Variants in FLVCR1 observed in about 807,000 individuals in gnomAD.
FLVCR1 encodes FLVCR choline and heme transporter 1.
In FLVCR1, 34 loss-of-function variants were observed where a neutral mutation model predicts 53.6. The observed-to-expected ratio is 0.63, with a 90% confidence interval of 0.48 to 0.84. The LOEUF is 0.84. Ranked by LOEUF, FLVCR1 falls within the 40% of genes least tolerant of loss-of-function variation. The pLI is 0.00. For missense variants in FLVCR1, 677 were observed against 696.7 expected (o/e 0.97, Z 0.32); for synonymous variants, 300 against 286.3 (o/e 1.05, Z -0.48).
chr1:212,880,572 C>T (rs1304443290), intron 3 of FLVCR1, among the ~76,000 whole-genome samples: 2 of 151,978 alleles, frequency 1.3e-5, no homozygotes, highest in Non-Finnish European at 1.5e-5. Flanking sequence ...ACAAGGCAGG[C>T]AGATCACCTG....
chr1:212,866,414 C>T (rs996970838), intron 2 of FLVCR1, among the ~76,000 whole-genome samples: 13 of 152,090 alleles, frequency 8.5e-5, no homozygotes, highest in Non-Finnish European at 1.5e-4. Context: ...AGCCACTGCA[C>T]CCGGCCAAAA....
rs1183708850 is a variant in FLVCR1, at chr1:212,897,207, AAAT to A, written c.*1920_*1922del. Reference sequence around the variant, plus strand: ...TAAATAAATAAATAAATAAATAAATAAATAAAACCTGAGGTTGAGCACGATGGC... The same window carrying A: ...TAAATAAATAAATAAATAAATAAATAAAAACCTGAGGTTGAGCACGATGGC... On this transcript the variant is annotated 3_prime_UTR_variant, in exon 10 of 10. Coordinates refer to ENST00000366971, the MANE Select transcript of FLVCR1 (RefSeq NM_014053.4). The A allele has an allele frequency of 2.0e-4, 22 of 108,348 alleles. No homozygotes were observed. The highest frequency in any genetic ancestry group is 6.6e-4 in the African/African-American group (22 of 33,280). The allele number at this position is 108,348 out of a possible 1,614,324, so 6.7% of individuals were successfully genotyped here. A position where few individuals can be genotyped will look rare whatever the true frequency, so the allele number is the denominator to read the frequency against.
intron 3 of FLVCR1, among the ~76,000 whole-genome samples, chr1:212,878,123 T>A (rs1286653763): frequency 6.6e-6 from 1 of 152,146 alleles, no homozygotes; most frequent in Non-Finnish European, 1.5e-5. Flanking sequence ...TTAGTTACAT[T>A]AGAGACCGTA....
chr1:212,867,309 T>TA (rs543899395), intron 2 of FLVCR1, among the ~76,000 whole-genome samples: 187 of 152,358 alleles, frequency 1.2e-3, no homozygotes, highest in Middle Eastern at 3.4e-3. Context: ...AGAACTCTAT[T>TA]ATAGCCTCAA....
At chr1:212,878,171 T>C (rs987668577) in intron 3 of FLVCR1, among the ~76,000 whole-genome samples, 1 of 152,106 alleles carries the variant, frequency 6.6e-6, no homozygotes, top group Non-Finnish European at 1.5e-5. Flanking sequence ...TACCTGGTCC[T>C]TTACAGAAAA....
At chr1:212,885,461 G>A (rs1484288718) in intron 5 of FLVCR1, 65 bp downstream of exon 5, 4 of 1,256,764 alleles carry the variant, frequency 3.2e-6, no homozygotes, top group African/African-American at 1.5e-5. Context: ...AGGACAATTT[G>A]CTTTTTATTT....
chr1:212,893,178 C>T (rs1665241436), intron 8 of FLVCR1, among the ~76,000 whole-genome samples: 1 of 151,942 alleles, frequency 6.6e-6, no homozygotes. Flanking sequence ...GCCTCAGCCT[C>T]CTGAGTAGCT....
chr1:212,893,056 C>T (rs201574250), intron 8 of FLVCR1, among the ~76,000 whole-genome samples: 3 of 121,372 alleles, frequency 2.5e-5, no homozygotes, highest in African/African-American at 6.8e-5. Context: ...AGGGTTGCTT[C>T]TTTTTTTTTG....
rs1455009201 is a variant in FLVCR1, at chr1:212,897,356, A to ACACC, written c.*2069_*2070insCCAC. 6.6e-6 allele frequency: 1 copy of ACACC among 150,506 alleles called. No individual in the cohort carries two copies. The highest frequency in any genetic ancestry group is 7.0e-5 in the Admixed American group (1 of 14,232). 9.3% of individuals were successfully genotyped at this position (150,506 alleles called of 1,614,324 possible). ...ATCTCTACTAAAAATACATACACAC[A>ACACC]CACACACACACACAAATTAGCCGGG... is the stretch of plus-strand genomic sequence containing the variant. On this transcript the variant is annotated 3_prime_UTR_variant, in exon 10 of 10. Coordinates refer to ENST00000366971, the MANE Select transcript of FLVCR1 (RefSeq NM_014053.4).
chr1:212,863,191 T>C (rs190515816), intron 1 of FLVCR1, among the ~76,000 whole-genome samples: 28 of 152,206 alleles, frequency 1.8e-4, no homozygotes, highest in Admixed American at 2.0e-4. Context: ...AGCTTTATAA[T>C]AGCAGCATCA....
intron 8 of FLVCR1, among the ~76,000 whole-genome samples, chr1:212,889,734 G>A (rs1665142137): frequency 7.1e-6 from 1 of 140,906 alleles, no homozygotes; most frequent in South Asian, 2.3e-4. Context: ...CTCTAGCTTG[G>A]GCAACAGCGA....
intron 8 of FLVCR1, among the ~76,000 whole-genome samples, chr1:212,891,385 A>G (rs1296626350): frequency 1.3e-5 from 2 of 151,700 alleles, no homozygotes; most frequent in Non-Finnish European, 2.9e-5. Context: ...CGGAGGTTGC[A>G]GTGAGTGGTG....
chr1:212,868,695 C>T (rs1379626100), intron 2 of FLVCR1, among the ~76,000 whole-genome samples: 1 of 152,136 alleles, frequency 6.6e-6, no homozygotes, highest in Non-Finnish European at 1.5e-5. Flanking sequence ...AGGCGTGAAC[C>T]ACCATGCCTG....
intron 3 of FLVCR1, among the ~76,000 whole-genome samples, chr1:212,877,761 A>C (rs1241867831): frequency 6.7e-6 from 1 of 149,222 alleles, no homozygotes; most frequent in African/African-American, 2.5e-5. Context: ...TCTGAACCTG[A>C]TAAAGCTTAT....
intron 1 of FLVCR1, among the ~76,000 whole-genome samples, 200 bp downstream of exon 1, chr1:212,859,390 G>A (rs1175314431): frequency 1.3e-5 from 2 of 152,106 alleles, no homozygotes; most frequent in African/African-American, 4.8e-5. Flanking sequence ...TTTTCCAAAC[G>A]ACCTTGTCAT....
chr1:212,895,221 A>G lies in FLVCR1; in HGVS notation c.1599A>G (p.Pro533=). 1.9e-6 allele frequency: 3 copies of G among 1,610,284 alleles called. No homozygotes were observed. The highest frequency in any genetic ancestry group is 2.5e-6 in the Non-Finnish European group (3 of 1,176,598). ...TCTTCTGATTGTTTTTATAGATACC[A>G]GCTGACAGTCCCACAGACCAAGAAC... ...GITNVDVKAI[P]ADSPTDQEPK... Residue 533 remains proline, a synonymous_variant, in exon 10 of 10, where the codon CCA becomes CCG. Coordinates refer to ENST00000366971, the MANE Select transcript of FLVCR1 (RefSeq NM_014053.4).
At position 212,895,044 on chromosome 1, in the gene FLVCR1, T is replaced by C. The variant is rs773870303; in HGVS notation, c.1584T>C (p.Asp528=). The C allele has an allele frequency of 7.1e-6, 11 of 1,558,246 alleles. No individual in the cohort carries two copies. The South Asian group carries it at 8.9e-5, about 13-fold the overall frequency. The stretch of plus-strand genomic sequence containing the variant: ...TAAATATAGGAATTACAAATGTTGA[T>C]GTTAAAGCTGTAAGTAATATTTTTA... ...HNINIGITNV[D]VKAIPADSPT... The change falls in exon 9 of 10, where the codon GAT becomes GAC. Residue 528 remains aspartate (D), a synonymous_variant. Transcript: ENST00000366971.
intron 1 of FLVCR1, among the ~76,000 whole-genome samples, chr1:212,862,169 G>A (rs1664263733): frequency 1.1e-5 from 1 of 93,958 alleles, no homozygotes; most frequent in Non-Finnish European, 2.5e-5. Flanking sequence ...TTTTTGTTGA[G>A]GTAAAATTCA....
Position 212,870,802 on chromosome 1 carries a change from C to T in FLVCR1, c.884-1876C>T, listed in dbSNP as rs111398842. ...TTTGTTTTTTGAGATAGTCTCACTCCGTTGCCCCGGCTGGAGTGCAGTAGC... is the reference window on the plus strand; with the variant it reads ...TTTGTTTTTTGAGATAGTCTCACTCTGTTGCCCCGGCTGGAGTGCAGTAGC... On this transcript the variant is annotated intron_variant, in intron 2 of 9. Transcript: ENST00000366971. 7.8e-4 allele frequency among the ~76,000 whole-genome samples: 118 copies of T among 152,104 alleles called. 2 individuals are homozygous for T. The highest frequency in any genetic ancestry group is 1.1e-3 in the African/African-American group (46 of 41,514).
Sources: allele counts gnomAD v4.1 joint callset (sites outside exome capture counted in the v4.1 genomes callset), GRCh38; gene constraint gnomAD v4.1.1; transcripts MANE v1.5; gene names NCBI Gene and HGNC (gene_info 2026-07-23, HGNC 2026-07-21).